Variants in SV2C observed in about 807,000 individuals in gnomAD.
SV2C encodes the protein solute carrier family 22 member B3.
In SV2C, 49 loss-of-function variants were observed where a neutral mutation model predicts 79.7. The ratio of observed to expected loss-of-function variants is 0.61; its 90% confidence interval spans 0.49 to 0.78. The LOEUF (loss-of-function observed/expected upper bound fraction) is 0.78. Ranked by LOEUF, SV2C falls within the 30% of genes least tolerant of loss-of-function variation. The pLI, the probability that SV2C is intolerant of heterozygous loss-of-function variation, is 0.00. For synonymous variants in SV2C, 334 were observed against 333.2 expected (o/e 1.00, Z -0.03); for missense variants, 833 against 912.9 (o/e 0.91, Z 1.13).
intron 4 of SV2C, among the ~76,000 whole-genome samples, chr5:76,274,115 A>G (rs1746954394): frequency 6.6e-6 from 1 of 152,202 alleles, no homozygotes; most frequent in South Asian, 2.1e-4. Context: ...GTTCAGAAAA[A>G]TATGTAAGTA....
the SV2C span, among the ~76,000 whole-genome samples, chr5:75,933,493 A>G: frequency 2.0e-5 from 3 of 152,192 alleles, no homozygotes; most frequent in Non-Finnish European, 4.4e-5. Context: ...CTTCCTAAGA[A>G]AGGCCTGAGT....
At chr5:75,963,697 C>A in the SV2C span, among the ~76,000 whole-genome samples, 1 of 152,020 alleles carries the variant, frequency 6.6e-6, no homozygotes, top group South Asian at 2.1e-4. Flanking sequence ...ATGAAAGATT[C>A]GAGTGTCTCT....
rs1207075910 is a variant in SV2C at position 76,186,794 on chromosome 5, C to CGGG, written c.581-8125_581-8124insGGG. Among the ~76,000 whole-genome samples the CGGG allele has an allele frequency of 1.3e-3, 66 of 52,576 alleles. No homozygotes were observed. In the East Asian group the frequency reaches 0.064, roughly 51 times the overall value. The allele number at this position is 52,576 out of a possible 152,430, so 34.5% of individuals were successfully genotyped here. The stretch of plus-strand genomic sequence containing the variant: ...TGGAAGGCACCTCTTCACAGGACAG[C>CGGG]AGGAGAATGAGCACTGACCAAAGCG... On this transcript the variant is annotated intron_variant, in intron 2 of 12. Coordinates refer to ENST00000502798, the MANE Select transcript of SV2C (RefSeq NM_014979.4).
intron 3 of SV2C, among the ~76,000 whole-genome samples, chr5:76,201,055 A>G (rs903162287): frequency 1.3e-5 from 2 of 152,218 alleles, no homozygotes; most frequent in African/African-American, 4.8e-5. Context: ...TAGAAACACA[A>G]ATATGTCCAG....
intron 1 of SV2C, among the ~76,000 whole-genome samples, chr5:76,111,104 C>T (rs1259735279): frequency 1.3e-5 from 2 of 152,064 alleles, no homozygotes; most frequent in African/African-American, 4.8e-5. Context: ...CCTGAAAATC[C>T]AAGGGCTGGG....
the SV2C span, among the ~76,000 whole-genome samples, chr5:75,933,089 C>T: frequency 6.6e-6 from 1 of 152,164 alleles, no homozygotes; most frequent in African/African-American, 2.4e-5. Context: ...TGTTTCCTCT[C>T]TATGGGAGTT....
At chr5:75,900,512 C>T in the SV2C span, among the ~76,000 whole-genome samples, 4 of 152,238 alleles carry the variant, frequency 2.6e-5, no homozygotes, top group Admixed American at 2.0e-4. Context: ...TCCTTCATTT[C>T]AACTTTGGCG....
intron 2 of SV2C, among the ~76,000 whole-genome samples, chr5:76,151,314 C>A (rs1167126962): frequency 6.6e-6 from 1 of 152,238 alleles, no homozygotes; most frequent in Non-Finnish European, 1.5e-5. Flanking sequence ...TACAGGGAAG[C>A]AATTGGAAAC....
the SV2C span, among the ~76,000 whole-genome samples, chr5:76,076,646 T>C: frequency 6.6e-6 from 1 of 152,366 alleles, no homozygotes; most frequent in Middle Eastern, 3.4e-3. Flanking sequence ...CAACCCAATA[T>C]TAAACTGAAT....
chr5:76,018,514 C>T, the SV2C span, among the ~76,000 whole-genome samples: 5 of 152,034 alleles, frequency 3.3e-5, no homozygotes, highest in Non-Finnish European at 4.4e-5. Context: ...AATGACATTG[C>T]TTAAAACAGA....
intron 4 of SV2C, among the ~76,000 whole-genome samples, chr5:76,268,621 C>G (rs1233397745): frequency 6.6e-6 from 1 of 152,168 alleles, no homozygotes; most frequent in Non-Finnish European, 1.5e-5. Context: ...AACGCAAACG[C>G]TTTAGGAAAT....
chr5:76,028,041 C>T, the SV2C span, among the ~76,000 whole-genome samples: 4 of 152,192 alleles, frequency 2.6e-5, no homozygotes, highest in Non-Finnish European at 4.4e-5. Flanking sequence ...CAGCATTCTC[C>T]TCTTTGATAC....
the SV2C span, among the ~76,000 whole-genome samples, chr5:75,857,145 G>A: frequency 1.1e-4 from 16 of 152,040 alleles, no homozygotes; most frequent in South Asian, 3.1e-3. Context: ...TTTTAGTAGA[G>A]ACAGGGTTTC....
the SV2C span, among the ~76,000 whole-genome samples, chr5:76,067,465 T>G: frequency 3.9e-5 from 6 of 152,194 alleles, no homozygotes; most frequent in African/African-American, 1.4e-4. Flanking sequence ...CCATTGCTTT[T>G]AAGCTTAGAA....
At chr5:76,224,431 C>T (rs1168990124) in intron 4 of SV2C, among the ~76,000 whole-genome samples, 1 of 152,180 alleles carries the variant, frequency 6.6e-6, no homozygotes, top group African/African-American at 2.4e-5. Flanking sequence ...TTATCATTAA[C>T]CTAATTAGAT....
the SV2C span, among the ~76,000 whole-genome samples, chr5:75,957,752 A>G: frequency 6.6e-6 from 1 of 152,022 alleles, no homozygotes; most frequent in African/African-American, 2.4e-5. Context: ...TCCTACAAAT[A>G]TTTTAAAAGT....
the SV2C span, among the ~76,000 whole-genome samples, chr5:75,852,839 A>G: frequency 1.5e-5 from 2 of 131,338 alleles, no homozygotes; most frequent in African/African-American, 5.3e-5. Context: ...AAAAAAAAAA[A>G]AAAAGAAAAA....
chr5:76,132,473 C>A, intron 2 of SV2C, 143 bp downstream of exon 2: 7 of 766,750 alleles, frequency 9.1e-6, no homozygotes, highest in Non-Finnish European at 1.4e-5. Context: ...TTTAAGCATA[C>A]AAAAGAATCA....
chr5:76,340,247 C>T lies in SV2C; in HGVS notation c.2001-12883C>T, dbSNP rs141148287. On this transcript the variant is annotated intron_variant, in intron 12 of 12. Transcript: ENST00000322285. ...CAGAAAACTAATGAATAATCCACCC[C>T]TTGTTTAGCATATAAGTAAGAAATA... Among the ~76,000 whole-genome samples, 648 of 152,314 alleles carry T rather than the reference C, an allele frequency of 4.3e-3. 2 individuals carry two copies. The highest frequency in any genetic ancestry group is 0.015 in the African/African-American group (623 of 41,568).
Sources: allele counts gnomAD v4.1 joint callset (sites outside exome capture counted in the v4.1 genomes callset), GRCh38; gene constraint gnomAD v4.1.1; transcripts MANE v1.5; gene names NCBI Gene and HGNC (gene_info 2026-07-23, HGNC 2026-07-21).